The following GRXCR1 variants were observed in gnomAD, a reference collection of about 807,000 sequenced individuals.
GRXCR1 encodes glutaredoxin domain-containing cysteine-rich protein 1.
A neutral mutation model predicts 27.3 loss-of-function variants in GRXCR1; 27 were observed. That is an observed-to-expected ratio of 0.99 (90% CI 0.73 to 1.37). The LOEUF is 1.37. Among genes scored for constraint, GRXCR1 ranks in the 40% most tolerant of loss-of-function variants. The pLI is 0.00. For synonymous variants in GRXCR1, 122 were observed against 131.1 expected (o/e 0.93, Z 0.47); for missense variants, 379 against 354.4 (o/e 1.07, Z -0.56).
chr4:42,907,838 A>G (rs561856948), intron 1 of GRXCR1, among the ~76,000 whole-genome samples: 1 of 152,296 alleles, frequency 6.6e-6, no homozygotes, highest in South Asian at 2.1e-4. Context: ...TCTGGGATCA[A>G]GGACTTGGAC....
chr4:42,986,488 G>A lies in GRXCR1; in HGVS notation c.627+23354G>A, dbSNP rs1056972438. Among the ~76,000 whole-genome samples the A allele has an allele frequency of 2.0e-5, 3 of 152,102 alleles. No individual in the cohort carries two copies. The South Asian group carries it at 6.2e-4, about 32-fold the overall frequency. The stretch of plus-strand genomic sequence containing the variant: ...TACTGGGGAGGCTGGATTAGGATTC[G>A]TGGTTTCAAATTAATCTCTGTGGTG... On this transcript the variant is annotated intron_variant, in intron 2 of 3. Transcript: ENST00000399770.
intron 2 of GRXCR1, among the ~76,000 whole-genome samples, chr4:42,964,542 T>A (rs1316447822): frequency 6.6e-6 from 1 of 152,030 alleles, no homozygotes; most frequent in Admixed American, 6.6e-5. Context: ...CAAAGTATGT[T>A]TTTAGGAAAT....
intron 2 of GRXCR1, among the ~76,000 whole-genome samples, chr4:43,002,726 T>TTTTAA (rs1302482118): frequency 6.6e-6 from 1 of 151,464 alleles, no homozygotes; most frequent in Non-Finnish European, 1.5e-5. Context: ...TTTTCCTTCT[T>TTTTAA]CCTGTACCCT....
At chr4:43,024,289 G>A (rs1277663276) in intron 3 of GRXCR1, among the ~76,000 whole-genome samples, 1 of 143,430 alleles carries the variant, frequency 7.0e-6, no homozygotes, top group Non-Finnish European at 1.5e-5. Context: ...ATGAAGAACC[G>A]AGCAAAGATT....
intron 1 of GRXCR1, among the ~76,000 whole-genome samples, chr4:42,922,137 T>G (rs1747026659): frequency 6.6e-6 from 1 of 152,144 alleles, no homozygotes; most frequent in South Asian, 2.1e-4. Context: ...TTCCATGCCC[T>G]TATTTTGATA....
intron 3 of GRXCR1, among the ~76,000 whole-genome samples, chr4:43,021,871 T>C (rs938874369): frequency 1.3e-5 from 2 of 152,192 alleles, no homozygotes; most frequent in Non-Finnish European, 2.9e-5. Flanking sequence ...ATTTCTGAAG[T>C]ATTATGACTT....
chr4:42,907,937 G>C (rs1746633585), intron 1 of GRXCR1, among the ~76,000 whole-genome samples: 1 of 152,120 alleles, frequency 6.6e-6, no homozygotes, highest in African/African-American at 2.4e-5. Context: ...GCTTCCCATT[G>C]GTTCCTGGAT....
In GRXCR1 at chr4:43,019,516, A is replaced by G. The variant is rs766585501; in HGVS notation, c.628-838A>G. 5.8e-4 allele frequency among the ~76,000 whole-genome samples: 88 copies of G among 152,296 alleles called. 1 individual carries two copies. In the Middle Eastern group the frequency reaches 0.017, roughly 29 times the overall value. On this transcript the variant is annotated intron_variant, in intron 2 of 3. Coordinates refer to ENST00000399770, the MANE Select transcript of GRXCR1 (RefSeq NM_001080476.3). ...CTAGGACACAGTGACAACAAGGCAG[A>G]CATGGTCTCCGTCTTTGATTAAAAA...
In GRXCR1 at chr4:42,991,514, T is replaced by G. The variant is rs118032845; in HGVS notation, c.627+28380T>G. On this transcript the variant is annotated intron_variant, in intron 2 of 3. Transcript: ENST00000399770. ...TATCTGTCATTCATTAAAAGTACTG[T>G]GCTTTCTTTGCAGTTTAAGGGAACA... is the stretch of plus-strand genomic sequence containing the variant. 1.5e-3 allele frequency among the ~76,000 whole-genome samples: 233 copies of G among 152,078 alleles called. 2 individuals are homozygous for G. In the East Asian group the frequency reaches 0.039, roughly 25 times the overall value.
chr4:42,894,401 GT>G (rs1746303090), intron 1 of GRXCR1, among the ~76,000 whole-genome samples: 1 of 151,856 alleles, frequency 6.6e-6, no homozygotes, highest in African/African-American at 2.4e-5. Flanking sequence ...AAAGTGATTT[GT>G]TTTTTTGTTA....
At chr4:42,997,290 AT>A (rs1437288493) in intron 2 of GRXCR1, among the ~76,000 whole-genome samples, 7 of 152,090 alleles carry the variant, frequency 4.6e-5, no homozygotes, top group African/African-American at 1.7e-4. Context: ...GAAGCTTATT[AT>A]TGATCACAGA....
At chr4:43,022,283 A>G (rs1331821615) in intron 3 of GRXCR1, among the ~76,000 whole-genome samples, 2 of 152,172 alleles carry the variant, frequency 1.3e-5, no homozygotes, top group Admixed American at 6.5e-5. Context: ...TTACAGGATG[A>G]ATATCCTTAA....
intron 1 of GRXCR1, among the ~76,000 whole-genome samples, chr4:42,952,024 C>G (rs1341870807): frequency 1.3e-5 from 2 of 152,182 alleles, no homozygotes; most frequent in Admixed American, 1.3e-4. Flanking sequence ...ATAGAAAACA[C>G]TCTGAAGAAA....
At chr4:42,986,993 GAT>G (rs1711745733) in intron 2 of GRXCR1, among the ~76,000 whole-genome samples, 1 of 120,478 alleles carries the variant, frequency 8.3e-6, no homozygotes, top group African/African-American at 3.5e-5. Context: ...AAATTTAAGA[GAT>G]ATGTGTATGT....
At chr4:42,985,798 C>T (rs1285150691) in intron 2 of GRXCR1, among the ~76,000 whole-genome samples, 4 of 151,994 alleles carry the variant, frequency 2.6e-5, no homozygotes, top group Non-Finnish European at 5.9e-5. Flanking sequence ...AATTGATTAT[C>T]AAAAAGTTAA....
intron 2 of GRXCR1, among the ~76,000 whole-genome samples, chr4:42,981,190 TG>T (rs1748657978): frequency 3.3e-5 from 5 of 151,748 alleles, no homozygotes; most frequent in African/African-American, 1.2e-4. Flanking sequence ...TTTTTCTTTT[TG>T]CTTTTTACTT....
intron 2 of GRXCR1, among the ~76,000 whole-genome samples, chr4:42,981,762 T>G (rs1479043640): frequency 6.6e-6 from 1 of 152,196 alleles, no homozygotes; most frequent in African/African-American, 2.4e-5. Context: ...CCCCACTCTC[T>G]CCTTGTCTTA....
chr4:42,906,870 A>G (rs1442446997), intron 1 of GRXCR1, among the ~76,000 whole-genome samples: 3 of 152,214 alleles, frequency 2.0e-5, no homozygotes, highest in Non-Finnish European at 2.9e-5. Flanking sequence ...AGGACAATGA[A>G]AAAACATTTG....
intron 1 of GRXCR1, among the ~76,000 whole-genome samples, chr4:42,901,141 T>G (rs1746451571): frequency 6.6e-6 from 1 of 152,142 alleles, no homozygotes. Context: ...GGCATCCACA[T>G]TAATCATGCT....
Sources: gnomAD v4.1 joint callset for allele counts (sites outside exome capture counted in the v4.1 genomes callset) on GRCh38, gnomAD v4.1.1 for gene constraint, MANE v1.5 for transcripts, NCBI Gene and HGNC (gene_info 2026-07-23, HGNC 2026-07-21) for gene names.